Variants in ADD2 observed in about 807,000 individuals in gnomAD.
ADD2 encodes adducin 2.
In ADD2, 23 loss-of-function variants were observed where a neutral mutation model predicts 83.0. That is an observed-to-expected ratio of 0.28 (90% CI 0.20 to 0.39). The LOEUF (loss-of-function observed/expected upper bound fraction) is 0.39. Among genes scored for constraint, ADD2 ranks in the 10% least tolerant of loss-of-function variants. The probability of loss-of-function intolerance (pLI) is 1.00; values close to 1 mark genes in which losing one functional copy is unlikely to be tolerated. For synonymous variants in ADD2, 375 were observed against 375.4 expected (o/e 1.00, Z 0.01); for missense variants, 758 against 944.9 (o/e 0.80, Z 2.59).
At chr2:70,675,084 TC>T in intron 13 of ADD2, 1 of 1,216,170 alleles carries the variant, frequency 8.2e-7, no homozygotes, top group Non-Finnish European at 1.0e-6. Flanking sequence ...CAAAGGATGC[TC>T]CCGAGCAGAA....
chr2:70,758,984 C>A (rs1674942070), intron 1 of ADD2, among the ~76,000 whole-genome samples: 1 of 152,050 alleles, frequency 6.6e-6, no homozygotes, highest in South Asian at 2.1e-4. Context: ...CAAAGTCTAG[C>A]CTGGACTCAT....
In ADD2 at chr2:70,678,716, T is replaced by C; in HGVS notation, c.1371A>G (p.Arg457=). The change falls in exon 11 of 16, where the codon CGA becomes CGG. Residue 457 remains arginine, a synonymous_variant. Coordinates refer to ENST00000264436, the MANE Select transcript of ADD2 (RefSeq NM_001617.4). ...GGCTCCCCCTTACCGTGGTCTTGGG[T>C]CGGGGGCTGCCCATGCTCCTCTGGA... The part of the protein sequence containing the change: ...DEVQRSMGSP[R]PKTTWMKADE... The C allele has an allele frequency of 6.4e-7, 1 of 1,568,942 alleles. No individual in the cohort carries two copies. Among genetic ancestry groups the C allele is most frequent in the South Asian group, 1.2e-5 (1 of 82,702 alleles).
intron 1 of ADD2, among the ~76,000 whole-genome samples, chr2:70,723,365 A>T (rs1220847340): frequency 4.6e-5 from 7 of 151,148 alleles, no homozygotes; most frequent in Non-Finnish European, 1.0e-4. Context: ...CATTCCTCAT[A>T]TGGATTCTTA....
rs1670578946 is a variant in ADD2 at position 70,683,685 on chromosome 2, G to A, written c.1031C>T (p.Ser344Phe). ...QEKHRPHEVGSVQWAGSTFGP... is the reference protein window; with the variant it reads ...QEKHRPHEVGFVQWAGSTFGP... ...AAAGGTGCTCCCGGCCCACTGCACG[G>A]AGCCCACCTCATGGGGCCGGTGCTT... Residue 344 changes from serine (S) to phenylalanine (F), a missense_variant, in exon 10 of 16, where the codon TCC becomes TTC. Physicochemically the swap from Ser to Phe is radical, Grantham distance 155. This residue lies in a region of ADD2 where 394 missense variants were observed against 509.3 expected (regional missense o/e 0.77). Transcript: ENST00000264436. 1 of 1,614,166 alleles carries A rather than the reference G, an allele frequency of 6.2e-7. No homozygotes were observed. Among genetic ancestry groups the A allele is most frequent in the South Asian group, 1.1e-5 (1 of 91,078 alleles).
At position 70,677,741 on chromosome 2, in the gene ADD2, A is replaced by G; in HGVS notation, c.1503+17T>C. 6.2e-7 allele frequency: 1 copy of G among 1,613,370 alleles called. No individual in the cohort carries two copies. The highest frequency in any genetic ancestry group is 8.5e-7 in the Non-Finnish European group (1 of 1,179,414). ...AGTGTGGGAGAAGAAAGAGTGGGAT[A>G]AACAGACCCCACTTACCTTGTTCCT... On this transcript the variant is annotated intron_variant, in intron 12 of 15. Coordinates refer to ENST00000264436, the MANE Select transcript of ADD2 (RefSeq NM_001617.4).
chr2:70,721,425 G>A (rs1672724367), intron 1 of ADD2, among the ~76,000 whole-genome samples: 1 of 152,122 alleles, frequency 6.6e-6, no homozygotes, highest in African/African-American at 2.4e-5. Flanking sequence ...AAGGATACCA[G>A]CTTTCTGACA....
intron 15 of ADD2, among the ~76,000 whole-genome samples, 175 bp downstream of exon 15, chr2:70,672,703 T>C (rs1553367313): frequency 6.6e-6 from 1 of 152,318 alleles, no homozygotes; most frequent in East Asian, 1.9e-4. Context: ...AGGTGTAGTG[T>C]TATAGCTTGT....
chr2:70,686,036 G>C (rs1558531621), intron 9 of ADD2, among the ~76,000 whole-genome samples: 2 of 152,184 alleles, frequency 1.3e-5, no homozygotes, highest in Non-Finnish European at 2.9e-5. Flanking sequence ...CATGACCACA[G>C]CCACGTTCGC....
chr2:70,665,810 G>GTTTTTTTTTTTTTTTTTTTTTT (rs879978891), intron 15 of ADD2, among the ~76,000 whole-genome samples: 1 of 135,786 alleles, frequency 7.4e-6, no homozygotes, highest in African/African-American at 2.9e-5. Context: ...GATCACACTT[G>GTTTTTTTTTTTTTTTTTTTTTT]TTTTTTTGTT....
At chr2:70,675,506 T>C (rs1670087775) in intron 13 of ADD2, 2 of 985,346 alleles carry the variant, frequency 2.0e-6, no homozygotes, top group African/African-American at 3.5e-5. Flanking sequence ...AGCCGGCCCT[T>C]ACATAAGCTT....
At chr2:70,742,734 A>G (rs1489252742) in intron 1 of ADD2, among the ~76,000 whole-genome samples, 3 of 152,188 alleles carry the variant, frequency 2.0e-5, no homozygotes, top group African/African-American at 7.2e-5. Flanking sequence ...AATCCACTCA[A>G]GTCCTTGATG....
chr2:70,759,548 T>C (rs1189850559), intron 1 of ADD2, among the ~76,000 whole-genome samples: 3 of 152,114 alleles, frequency 2.0e-5, no homozygotes, highest in African/African-American at 7.2e-5. Context: ...CATGAATGGC[T>C]TGGAGCCATT....
At chr2:70,756,213 T>C (rs543495075) in intron 1 of ADD2, among the ~76,000 whole-genome samples, 9 of 152,312 alleles carry the variant, frequency 5.9e-5, no homozygotes, top group African/African-American at 2.2e-4. Flanking sequence ...AGGCACTCAG[T>C]TGAGTTAACT....
intron 1 of ADD2, among the ~76,000 whole-genome samples, chr2:70,723,762 G>A (rs374484280): frequency 2.6e-5 from 4 of 152,186 alleles, no homozygotes; most frequent in South Asian, 4.2e-4. Context: ...GTGCCCAGCC[G>A]TCTCCTGACA....
At position 70,678,890 on chromosome 2, in the gene ADD2, C is replaced by T; in HGVS notation, c.1197G>A (p.Glu399=). ...CGAAGGCTGTGACCGTGGCTGGAAT[C>T]TCCACCTCACTTTTGTGTTTGGTTT... is the stretch of plus-strand genomic sequence containing the variant. The part of the protein sequence containing the change: ...QEKTKHKSEV[E]IPATVTAFVF... The change falls in exon 11 of 16, where the codon GAG becomes GAA. Residue 399 remains glutamate, a synonymous_variant. Coordinates refer to ENST00000264436, the MANE Select transcript of ADD2 (RefSeq NM_001617.4). 6.2e-7 allele frequency: 1 copy of T among 1,614,232 alleles called. No homozygotes were observed. Among genetic ancestry groups the T allele is most frequent in the Non-Finnish European group, 8.5e-7 (1 of 1,180,046 alleles).
At chr2:70,695,373 G>T (rs781938495) in intron 6 of ADD2, among the ~76,000 whole-genome samples, 1 of 152,120 alleles carries the variant, frequency 6.6e-6, no homozygotes, top group Non-Finnish European at 1.5e-5. Flanking sequence ...ATCTCGTGCT[G>T]CTTTGGGTCT....
chr2:70,715,760 C>T (rs1373904332), intron 1 of ADD2, among the ~76,000 whole-genome samples: 2 of 151,796 alleles, frequency 1.3e-5, no homozygotes, highest in Non-Finnish European at 2.9e-5. Flanking sequence ...CCTCCCCAGC[C>T]CCCTCCTCTC....
chr2:70,690,273 T>G (rs1553371307), intron 8 of ADD2, among the ~76,000 whole-genome samples: 1 of 152,116 alleles, frequency 6.6e-6, no homozygotes, highest in African/African-American at 2.4e-5. Flanking sequence ...ATTTTTGTAT[T>G]TTTTGTAGAG....
Position 70,660,194 on chromosome 2 carries a change from A to T in ADD2, c.*3231T>A, listed in dbSNP as rs578053954. 10 of 152,372 alleles carry T rather than the reference A, an allele frequency of 6.6e-5. No individual in the cohort carries two copies. The highest frequency in any genetic ancestry group is 2.4e-4 in the African/African-American group (10 of 41,594). The allele number at this position is 152,372 out of a possible 1,614,324, so 9.4% of individuals were successfully genotyped here. On this transcript the variant is annotated 3_prime_UTR_variant, in exon 16 of 16. Transcript: ENST00000264436. ...TGTGCCACATTCTGTGCAAGGGAAG[A>T]AGAAATGGCAGGATGGCTGGACACC...
Sources: gnomAD v4.1 joint callset for allele counts (sites outside exome capture counted in the v4.1 genomes callset) on GRCh38, gnomAD v4.1.1 for gene constraint, gnomAD v4.1.1 regional missense constraint, MANE v1.5 for transcripts, NCBI Gene and HGNC (gene_info 2026-07-23, HGNC 2026-07-21) for gene names.